PCBD2: variants seen among roughly 807,000 people sequenced by gnomAD.
PCBD2 encodes pterin-4-alpha-carbinolamine dehydratase 2.
A neutral mutation model predicts 16.4 loss-of-function variants in PCBD2; 12 were observed. That is an observed-to-expected ratio of 0.73 (90% CI 0.47 to 1.19). The LOEUF is 1.19. Ranked by LOEUF, PCBD2 falls within the 50% of genes most tolerant of loss-of-function variation. PCBD2 has a pLI of 0.00. For missense variants in PCBD2, 138 were observed against 156.8 expected (o/e 0.88, Z 0.64); for synonymous variants, 58 against 61.8 (o/e 0.94, Z 0.29).
intron 1 of PCBD2, among the ~76,000 whole-genome samples, chr5:134,906,022 G>A (rs867539691): frequency 7.9e-5 from 12 of 151,310 alleles, no homozygotes; most frequent in Middle Eastern, 3.4e-3. Context: ...ACAGGCGCGT[G>A]CCATTTCGCC....
rs982485985 is a variant in PCBD2 at position 134,942,962 on chromosome 5, A to G, written c.217-16078A>G. On this transcript the variant is annotated intron_variant, in intron 2 of 3. Coordinates refer to ENST00000254908, the MANE Select transcript of PCBD2 (RefSeq NM_032151.5). ...AATCAAATACATAAATAAAGTAACT[A>G]TCATTTATTAATTTCCTTATTGATG... is the stretch of plus-strand genomic sequence containing the variant. Among the ~76,000 whole-genome samples, 7 of 152,258 alleles carry G rather than the reference A, an allele frequency of 4.6e-5. No homozygotes were observed. In the South Asian group the frequency reaches 1.4e-3, roughly 32 times the overall value.
intron 1 of PCBD2, among the ~76,000 whole-genome samples, 193 bp from the exon 2 acceptor site, chr5:134,910,142 C>T (rs75507304): frequency 6.6e-6 from 1 of 152,320 alleles, no homozygotes; most frequent in East Asian, 1.9e-4. Flanking sequence ...CCAGAGGTGA[C>T]ATGCCATGGA....
intron 2 of PCBD2, among the ~76,000 whole-genome samples, chr5:134,934,720 A>G (rs1431067988): frequency 1.3e-5 from 2 of 152,172 alleles, no homozygotes; most frequent in East Asian, 3.8e-4. Context: ...TATATGCCAC[A>G]GTGGTCTTGT....
chr5:134,948,594 C>T (rs1377017002), intron 2 of PCBD2, among the ~76,000 whole-genome samples: 1 of 152,106 alleles, frequency 6.6e-6, no homozygotes, highest in South Asian at 2.1e-4. Flanking sequence ...AGTTGTTTTG[C>T]ACCTTGCTTT....
intron 2 of PCBD2, among the ~76,000 whole-genome samples, chr5:134,951,790 A>G (rs187341803): frequency 2.0e-4 from 31 of 152,244 alleles, no homozygotes; most frequent in East Asian, 1.7e-3. Flanking sequence ...TCTGTTATCT[A>G]TTATGTCCTT....
intron 2 of PCBD2, among the ~76,000 whole-genome samples, chr5:134,954,816 A>T (rs534688284): frequency 6.6e-6 from 1 of 151,442 alleles, no homozygotes; most frequent in Non-Finnish European, 1.5e-5. Flanking sequence ...ATCTTGGCTC[A>T]CTGCAACCTC....
chr5:134,906,194 A>ATTTTTTTTT lies in PCBD2; in HGVS notation c.84+990_84+998dup, dbSNP rs1158334317. On this transcript the variant is annotated intron_variant, in intron 1 of 3. Transcript: ENST00000254908. ...TGGCCTGAAATTCTTTAATAGAAGA[A>ATTTTTTTTT]TTTTTTTTTTTTTTTTTTTTTTTTT... Among the ~76,000 whole-genome samples, 80 of 66,520 alleles carry ATTTTTTTTT rather than the reference A, an allele frequency of 1.2e-3. 9 individuals carry two copies. The highest frequency in any genetic ancestry group is 4.9e-3 in the African/African-American group (72 of 14,660). The allele number at this position is 66,520 out of a possible 152,430, so 43.6% of individuals were successfully genotyped here.
chr5:134,906,352 C>T (rs1000567737), intron 1 of PCBD2, among the ~76,000 whole-genome samples: 2 of 151,730 alleles, frequency 1.3e-5, no homozygotes, highest in South Asian at 2.1e-4. Context: ...AACAGGCGCC[C>T]GTCGCCACGC....
Position 134,962,549 on chromosome 5 carries a change from G to A in PCBD2, c.*1868G>A, listed in dbSNP as rs1414925859. ...ATTACAGGCGTGAGCCACTGCGCCT[G>A]GCCTATAACAATTCTTATGAAGCTA... is the stretch of plus-strand genomic sequence containing the variant. On this transcript the variant is annotated 3_prime_UTR_variant, in exon 4 of 4. Coordinates refer to ENST00000254908, the MANE Select transcript of PCBD2 (RefSeq NM_032151.5). Among the ~76,000 whole-genome samples, 1 of 152,092 alleles carries A rather than the reference G, an allele frequency of 6.6e-6. No individual in the cohort carries two copies. Among genetic ancestry groups the A allele is most frequent in the Non-Finnish European group, 1.5e-5 (1 of 68,016 alleles).
At chr5:134,957,252 C>T (rs998239572) in intron 2 of PCBD2, among the ~76,000 whole-genome samples, 1 of 152,146 alleles carries the variant, frequency 6.6e-6, no homozygotes, top group Non-Finnish European at 1.5e-5. Context: ...GAGTGAGACT[C>T]TGTCTCAAAA....
At chr5:134,947,389 AT>A (rs1220114582) in intron 2 of PCBD2, among the ~76,000 whole-genome samples, 64 of 103,046 alleles carry the variant, frequency 6.2e-4, no homozygotes, top group East Asian at 1.1e-3. Context: ...CCCGGCCTCA[AT>A]TTTTTTTTTT....
intron 2 of PCBD2, among the ~76,000 whole-genome samples, chr5:134,939,881 A>G (rs781289730): frequency 6.6e-6 from 1 of 152,080 alleles, no homozygotes; most frequent in Non-Finnish European, 1.5e-5. Flanking sequence ...CTCTCTTCCT[A>G]AACAATGTAA....
intron 2 of PCBD2, among the ~76,000 whole-genome samples, chr5:134,913,081 G>T (rs1750787283): frequency 6.6e-6 from 1 of 152,018 alleles, no homozygotes; most frequent in Non-Finnish European, 1.5e-5. Flanking sequence ...TATACATGTG[G>T]TTACATTTAA....
chr5:134,953,899 T>C (rs993373678), intron 2 of PCBD2, among the ~76,000 whole-genome samples: 7 of 152,196 alleles, frequency 4.6e-5, no homozygotes, highest in African/African-American at 1.7e-4. Context: ...TTTCTCCTAC[T>C]TTTTGTTCAC....
At chr5:134,949,723 G>C (rs189532654) in intron 2 of PCBD2, among the ~76,000 whole-genome samples, 1 of 152,278 alleles carries the variant, frequency 6.6e-6, no homozygotes, top group East Asian at 1.9e-4. Context: ...TGAAAGTCTT[G>C]GTGAGACATG....
chr5:134,951,477 A>G (rs1013955863), intron 2 of PCBD2, among the ~76,000 whole-genome samples: 6 of 152,142 alleles, frequency 3.9e-5, no homozygotes, highest in African/African-American at 9.7e-5. Context: ...CAGTGCTGCA[A>G]TTACCTTTCT....
intron 2 of PCBD2, among the ~76,000 whole-genome samples, chr5:134,943,320 C>T (rs992532185): frequency 3.9e-5 from 6 of 152,018 alleles, no homozygotes; most frequent in African/African-American, 7.2e-5. Context: ...AAACTGGGGA[C>T]GGTATACATA....
At chr5:134,953,220 T>A (rs1035628715) in intron 2 of PCBD2, among the ~76,000 whole-genome samples, 10 of 151,986 alleles carry the variant, frequency 6.6e-5, no homozygotes, top group African/African-American at 2.4e-4. Context: ...TTCCTTATTT[T>A]AAATTATGAT....
At chr5:134,933,211 C>T (rs994721667) in intron 2 of PCBD2, among the ~76,000 whole-genome samples, 1 of 152,228 alleles carries the variant, frequency 6.6e-6, no homozygotes, top group South Asian at 2.1e-4. Flanking sequence ...AATATTTTCA[C>T]ATCAGTAAAA....
Sources: gnomAD v4.1 joint callset for allele counts (sites outside exome capture counted in the v4.1 genomes callset) on GRCh38, gnomAD v4.1.1 for gene constraint, MANE v1.5 for transcripts, NCBI Gene and HGNC (gene_info 2026-07-23, HGNC 2026-07-21) for gene names.